MEI4: variants seen among roughly 807,000 people sequenced by gnomAD.
MEI4 encodes the protein meiotic double-stranded break formation protein 4.
A neutral mutation model predicts 31.4 loss-of-function variants in MEI4; 27 were observed. The ratio of observed to expected loss-of-function variants is 0.86; its 90% CI spans 0.63 to 1.19. The LOEUF (loss-of-function observed/expected upper bound fraction) is 1.19. Among genes scored for constraint, MEI4 ranks in the 50% most tolerant of loss-of-function variants. MEI4 has a pLI of 0.00. For missense variants in MEI4, 329 were observed against 398.9 expected, an observed-to-expected ratio of 0.82 and a Z score of 1.49; for synonymous variants, 122 against 145.4, an observed-to-expected ratio of 0.84 and a Z score of 1.16.
chr6:77,744,990 A>T (rs575576157), intron 2 of MEI4, among the ~76,000 whole-genome samples: 4 of 152,340 alleles, frequency 2.6e-5, no homozygotes, highest in Admixed American at 1.3e-4. Flanking sequence ...GGAAAGGAAC[A>T]ACCGGTACCA....
At chr6:77,684,812 G>A (rs903233244) in intron 1 of MEI4, among the ~76,000 whole-genome samples, 24 of 152,060 alleles carry the variant, frequency 1.6e-4, no homozygotes, top group Non-Finnish European at 2.5e-4. Context: ...GCTACAACAC[G>A]TACAGTGCAA....
chr6:77,762,086 T>C (rs1768059890), intron 3 of MEI4, among the ~76,000 whole-genome samples: 1 of 152,184 alleles, frequency 6.6e-6, no homozygotes. Context: ...CTGTACTGTA[T>C]TGAATTTGCT....
At chr6:77,684,730 C>T (rs1769020870) in intron 1 of MEI4, among the ~76,000 whole-genome samples, 1 of 151,990 alleles carries the variant, frequency 6.6e-6, no homozygotes, top group African/African-American at 2.4e-5. Context: ...GTATATGTAC[C>T]ACATTTTCTT....
intron 4 of MEI4, among the ~76,000 whole-genome samples, chr6:77,914,932 G>A (rs2127740204): frequency 6.6e-6 from 1 of 151,942 alleles, no homozygotes; most frequent in African/African-American, 2.4e-5. Flanking sequence ...TTTATTTTCA[G>A]TCTATATGTG....
intron 2 of MEI4, among the ~76,000 whole-genome samples, chr6:77,725,011 A>T (rs1436362027): frequency 7.3e-6 from 1 of 136,452 alleles, no homozygotes; most frequent in African/African-American, 2.7e-5. Context: ...ATAATGGCCC[A>T]ATCATTCCAT....
At chr6:77,662,827 G>A (rs1011813829) in intron 1 of MEI4, among the ~76,000 whole-genome samples, 3 of 138,094 alleles carry the variant, frequency 2.2e-5, no homozygotes, top group Non-Finnish European at 3.1e-5. Flanking sequence ...GGCAGGGAGA[G>A]CACGTGTGTT....
rs1021465263 is a variant in MEI4 at position 77,792,674 on chromosome 6, A to T, written c.768+31009A>T. The stretch of plus-strand genomic sequence containing the variant: ...TGTATATGATGTGAGATAAGGATCT[A>T]ATTTTATTGTTTTGCATGTGGATAT... On this transcript the variant is annotated intron_variant, in intron 3 of 4. Transcript: ENST00000684080. 8.6e-5 allele frequency among the ~76,000 whole-genome samples: 13 copies of T among 151,494 alleles called. No homozygotes were observed. In the South Asian group the frequency reaches 1.0e-3, roughly 12 times the overall value.
chr6:77,653,548 G>C (rs1359896434), intron 1 of MEI4, among the ~76,000 whole-genome samples: 1 of 152,152 alleles, frequency 6.6e-6, no homozygotes, highest in Non-Finnish European at 1.5e-5. Context: ...TATAGCACCT[G>C]AGTGTTGGCT....
At chr6:77,667,050 A>T (rs941179447) in intron 1 of MEI4, among the ~76,000 whole-genome samples, 6 of 152,206 alleles carry the variant, frequency 3.9e-5, no homozygotes, top group Non-Finnish European at 7.3e-5. Flanking sequence ...TAATATGTAA[A>T]GAAAGATGAA....
At chr6:77,921,923 A>G (rs1458879578) in intron 4 of MEI4, among the ~76,000 whole-genome samples, 1 of 151,786 alleles carries the variant, frequency 6.6e-6, no homozygotes, top group Non-Finnish European at 1.5e-5. Flanking sequence ...CAGATAAAGT[A>G]ACAGTGAAAA....
intron 4 of MEI4, among the ~76,000 whole-genome samples, chr6:77,900,538 C>A (rs973906028): frequency 6.6e-5 from 10 of 151,594 alleles, no homozygotes; most frequent in African/African-American, 2.4e-4. Flanking sequence ...ATATAACTAA[C>A]CAGAATATAA....
At chr6:77,893,922 A>T (rs574500830) in intron 4 of MEI4, among the ~76,000 whole-genome samples, 1 of 152,222 alleles carries the variant, frequency 6.6e-6, no homozygotes, top group African/African-American at 2.4e-5. Context: ...CCTTAAAAAA[A>T]TTTCTCCCAT....
chr6:77,925,753 G>A lies in MEI4; in HGVS notation c.*2407G>A, dbSNP rs1288896227. On this transcript the variant is annotated 3_prime_UTR_variant, in exon 5 of 5. Coordinates refer to ENST00000684080, the MANE Select transcript of MEI4 (RefSeq NM_001322247.2). ...ATAACTCTTATACTATTTAATATAAGCTATAATAAATATATGATAATATAT... is the reference window on the plus strand; with the variant it reads ...ATAACTCTTATACTATTTAATATAAACTATAATAAATATATGATAATATAT... 1.3e-5 allele frequency: 2 copies of A among 148,340 alleles called. No individual in the cohort carries two copies. The highest frequency in any genetic ancestry group is 4.9e-5 in the African/African-American group (2 of 40,672). The allele number at this position is 148,340 out of a possible 1,614,324, so 9.2% of individuals were successfully genotyped here.
intron 4 of MEI4, among the ~76,000 whole-genome samples, chr6:77,833,718 A>G (rs1476252791): frequency 1.3e-5 from 2 of 152,120 alleles, no homozygotes; most frequent in Non-Finnish European, 2.9e-5. Flanking sequence ...TGCTGCACCC[A>G]TCAACCCGTC....
chr6:77,719,116 C>T lies in MEI4; in HGVS notation c.232+28213C>T, dbSNP rs1022756054. Among the ~76,000 whole-genome samples the T allele has an allele frequency of 1.4e-4, 20 of 140,620 alleles. 4 individuals are homozygous for T. The highest frequency in any genetic ancestry group is 8.9e-4 in the South Asian group (4 of 4,476). The allele number at this position is 140,620 out of a possible 152,430, so 92.3% of individuals were successfully genotyped here. ...CTGGACTCACTTGTGCACTTGGACA[C>T]GACTGAGTTTGTCCTGAGCAATTGT... On this transcript the variant is annotated intron_variant, in intron 2 of 4. Coordinates refer to ENST00000684080, the MANE Select transcript of MEI4 (RefSeq NM_001322247.2).
chr6:77,683,128 G>C (rs529930727), intron 1 of MEI4, among the ~76,000 whole-genome samples: 15 of 152,272 alleles, frequency 9.9e-5, no homozygotes, highest in African/African-American at 3.6e-4. Context: ...CAGAATTGCA[G>C]AGGTAAGCGC....
rs9443442 is a variant in MEI4, at chr6:77,693,599, A to T, written c.232+2696A>T. On this transcript the variant is annotated intron_variant, in intron 2 of 4. Coordinates refer to ENST00000684080, the MANE Select transcript of MEI4 (RefSeq NM_001322247.2). The stretch of plus-strand genomic sequence containing the variant: ...AGGTACAATGTTTCTGCACAGATGT[A>T]TGGAAGTAATCTGGTTCTCTATCTG... Among the ~76,000 whole-genome samples the T allele has an allele frequency of 6.9e-3, 1,055 of 151,932 alleles. 13 individuals carry two copies. Among genetic ancestry groups the T allele is most frequent in the African/African-American group, 0.024 (995 of 41,282 alleles).
chr6:77,728,322 T>G (rs191929010), intron 2 of MEI4, among the ~76,000 whole-genome samples: 1 of 152,214 alleles, frequency 6.6e-6, no homozygotes, highest in Non-Finnish European at 1.5e-5. Context: ...TAGGAGCTTA[T>G]GATATAGTTA....
intron 2 of MEI4, among the ~76,000 whole-genome samples, chr6:77,713,704 C>T (rs1045838562): frequency 2.6e-5 from 4 of 152,134 alleles, no homozygotes; most frequent in Non-Finnish European, 5.9e-5. Flanking sequence ...TTTTCATTCT[C>T]GATTCCGTTT....
Sources: allele counts gnomAD v4.1 joint callset (sites outside exome capture counted in the v4.1 genomes callset), GRCh38; gene constraint gnomAD v4.1.1; transcripts MANE v1.5; gene names NCBI Gene and HGNC (gene_info 2026-07-23, HGNC 2026-07-21).